The following PCBD2 variants were observed in gnomAD, a reference collection of about 807,000 sequenced individuals.
PCBD2 encodes the protein pterin-4-alpha-carbinolamine dehydratase 2.
A neutral mutation model predicts 16.4 loss-of-function variants in PCBD2; 12 were observed. That is an observed-to-expected ratio of 0.73 (90% CI 0.47 to 1.19). PCBD2 has a LOEUF of 1.19. PCBD2 is among the 50% of genes most tolerant of loss of function. The pLI, the probability that PCBD2 is intolerant of heterozygous loss-of-function variation, is 0.00. For missense variants in PCBD2, 138 were observed against 156.8 expected (o/e 0.88, Z 0.64); for synonymous variants, 58 against 61.8 (o/e 0.94, Z 0.29).
intron 2 of PCBD2, chr5:134,925,516 A>G (rs1750978334): frequency 5.0e-6 from 2 of 398,288 alleles, no homozygotes; most frequent in African/African-American, 4.1e-5. Flanking sequence ...GCCGATTGTG[A>G]CTATTATAAG....
Position 134,962,506 on chromosome 5 carries a change from A to AC in PCBD2, c.*1831dup, listed in dbSNP as rs1290658556. ...GGGCTCAAATGATCTTCCTGCCTTG[A>AC]CCCCCCAAAGTGCTGGGATTACAGG... On this transcript the variant is annotated 3_prime_UTR_variant, in exon 4 of 4. Coordinates refer to ENST00000254908, the MANE Select transcript of PCBD2 (RefSeq NM_032151.5). Among the ~76,000 whole-genome samples the AC allele has an allele frequency of 1.3e-5, 2 of 150,794 alleles. No homozygotes were observed. Among genetic ancestry groups the AC allele is most frequent in the Non-Finnish European group, 3.0e-5 (2 of 67,686 alleles).
chr5:134,942,348 C>T (rs1751240086), intron 2 of PCBD2, among the ~76,000 whole-genome samples: 1 of 152,054 alleles, frequency 6.6e-6, no homozygotes, highest in Non-Finnish European at 1.5e-5. Flanking sequence ...TGATTTAACC[C>T]CTCAGAGCCT....
chr5:134,936,403 G>T (rs983701773), intron 2 of PCBD2, among the ~76,000 whole-genome samples: 1 of 152,206 alleles, frequency 6.6e-6, no homozygotes, highest in African/African-American at 2.4e-5. Context: ...CGCACTGGAC[G>T]CTCCTTGAGG....
chr5:134,959,901 T>A (rs997412695), intron 3 of PCBD2, among the ~76,000 whole-genome samples: 5 of 143,640 alleles, frequency 3.5e-5, no homozygotes, highest in African/African-American at 1.3e-4. Context: ...TTTTTTTTTT[T>A]TTTTTTTGAG....
intron 2 of PCBD2, among the ~76,000 whole-genome samples, chr5:134,944,485 A>C (rs962825298): frequency 6.6e-6 from 1 of 152,022 alleles, no homozygotes; most frequent in Non-Finnish European, 1.5e-5. Context: ...TTTGGCTCAG[A>C]GTTAAGCCCT....
At chr5:134,922,046 G>GCAAT (rs1304115420) in intron 2 of PCBD2, among the ~76,000 whole-genome samples, 2 of 152,206 alleles carry the variant, frequency 1.3e-5, no homozygotes, top group African/African-American at 2.4e-5. Flanking sequence ...GATTAGAACT[G>GCAAT]CAATGTTCAT....
At chr5:134,918,531 A>G (rs1213859636) in intron 2 of PCBD2, among the ~76,000 whole-genome samples, 14 of 152,190 alleles carry the variant, frequency 9.2e-5, no homozygotes, top group Non-Finnish European at 1.5e-5. Context: ...AAATTAAAAA[A>G]TGTCGTTTTG....
intron 2 of PCBD2, among the ~76,000 whole-genome samples, chr5:134,943,193 A>G (rs1358092622): frequency 6.6e-6 from 1 of 152,226 alleles, no homozygotes; most frequent in Non-Finnish European, 1.5e-5. Context: ...ATTATAGCCC[A>G]GGGACAGGCT....
At chr5:134,942,994 TAG>T (rs1177747396) in intron 2 of PCBD2, among the ~76,000 whole-genome samples, 1 of 152,246 alleles carries the variant, frequency 6.6e-6, no homozygotes, top group African/African-American at 2.4e-5. Flanking sequence ...GATGGACATT[TAG>T]AGTCTTTCTC....
chr5:134,946,610 G>A (rs911646115), intron 2 of PCBD2, among the ~76,000 whole-genome samples: 2 of 152,224 alleles, frequency 1.3e-5, no homozygotes, highest in Non-Finnish European at 1.5e-5. Flanking sequence ...TTGATGGTGT[G>A]CAACTGCTTT....
At chr5:134,927,498 G>A (rs1751025720) in intron 2 of PCBD2, 1 of 398,004 alleles carries the variant, frequency 2.5e-6, no homozygotes, top group Non-Finnish European at 4.4e-6. Flanking sequence ...GGCAGTAAGA[G>A]TGAGTAATAG....
intron 2 of PCBD2, among the ~76,000 whole-genome samples, chr5:134,948,702 A>G (rs553122315): frequency 1.3e-5 from 2 of 149,766 alleles, no homozygotes; most frequent in South Asian, 4.3e-4. Flanking sequence ...GCAATTGCCA[A>G]GAATAGTGAC....
At chr5:134,905,389 T>C (rs1440131447) in intron 1 of PCBD2, 166 bp downstream of exon 1, 15 of 513,040 alleles carry the variant, frequency 2.9e-5, no homozygotes, top group Non-Finnish European at 4.4e-5. Flanking sequence ...ACCTGTCCGG[T>C]GCGCCGCTCA....
intron 2 of PCBD2, among the ~76,000 whole-genome samples, chr5:134,938,750 T>C (rs944294754): frequency 2.6e-5 from 4 of 152,212 alleles, no homozygotes; most frequent in Admixed American, 1.3e-4. Context: ...CTTAGAATAC[T>C]GTTAAAGGAA....
At chr5:134,917,444 G>T (rs765994511) in intron 2 of PCBD2, among the ~76,000 whole-genome samples, 14 of 152,356 alleles carry the variant, frequency 9.2e-5, no homozygotes, top group Middle Eastern at 3.4e-3. Context: ...TAAATTTTGT[G>T]TGTAGGACAT....
intron 2 of PCBD2, among the ~76,000 whole-genome samples, chr5:134,932,573 C>T (rs1018695514): frequency 1.3e-5 from 2 of 152,122 alleles, no homozygotes; most frequent in African/African-American, 2.4e-5. Context: ...AACTCCTGAC[C>T]TCAAGTGATC....
intron 2 of PCBD2, among the ~76,000 whole-genome samples, chr5:134,929,184 A>G (rs1411807820): frequency 6.6e-6 from 1 of 152,014 alleles, no homozygotes; most frequent in Non-Finnish European, 1.5e-5. Flanking sequence ...GACAAGAAAG[A>G]TTTGTTAGAT....
chr5:134,917,202 G>T (rs1040073609), intron 2 of PCBD2, among the ~76,000 whole-genome samples: 2 of 152,238 alleles, frequency 1.3e-5, no homozygotes, highest in Non-Finnish European at 2.9e-5. Context: ...TTAAAAGTAG[G>T]TGCAGAAGGT....
chr5:134,937,922 TA>T (rs1167126273), intron 2 of PCBD2, among the ~76,000 whole-genome samples: 2 of 152,238 alleles, frequency 1.3e-5, no homozygotes, highest in African/African-American at 4.8e-5. Context: ...TATTTAATTT[TA>T]TTTTTTTCTT....
Sources: allele counts gnomAD v4.1 joint callset (sites outside exome capture counted in the v4.1 genomes callset), GRCh38; gene constraint gnomAD v4.1.1; transcripts MANE v1.5; gene names NCBI Gene and HGNC (gene_info 2026-07-23, HGNC 2026-07-21).